Variants in ALPK1 observed in about 807,000 individuals in gnomAD.
The protein encoded by ALPK1 is alpha-protein kinase 1.
A neutral mutation model predicts 120.6 loss-of-function variants in ALPK1; 110 were observed. That is an observed-to-expected ratio of 0.91 (90% confidence interval 0.78 to 1.07). ALPK1 has a LOEUF of 1.07. ALPK1 is among the 50% of genes least tolerant of loss of function. ALPK1 has a pLI of 0.00. For missense variants in ALPK1, 1,498 were observed against 1,483.9 expected (o/e 1.01, Z -0.16); for synonymous variants, 582 against 560.3 (o/e 1.04, Z -0.55).
rs116575388 is a variant in ALPK1, at chr4:112,351,822, C to G, written c.-100-25856C>G. Among the ~76,000 whole-genome samples, 562 of 152,274 alleles carry G rather than the reference C, an allele frequency of 3.7e-3. 5 individuals carry two copies. The highest frequency in any genetic ancestry group is 0.013 in the African/African-American group (540 of 41,564). On this transcript the variant is annotated intron_variant, in intron 2 of 15. Transcript: ENST00000650871. ...TAGAATGAAAAGATAAGTTGAATTT[C>G]CTGGCAATCTAGTGTTTCTCAAACT...
At chr4:112,324,412 A>G (rs1729014135) in intron 2 of ALPK1, among the ~76,000 whole-genome samples, 1 of 151,760 alleles carries the variant, frequency 6.6e-6, no homozygotes, top group Non-Finnish European at 1.5e-5. Flanking sequence ...GCAAATTCTA[A>G]TAAATTCCCA....
chr4:112,301,481 C>T (rs941078007), intron 1 of ALPK1, among the ~76,000 whole-genome samples: 5 of 152,150 alleles, frequency 3.3e-5, no homozygotes, highest in African/African-American at 4.8e-5. Flanking sequence ...GACTCCTGCA[C>T]CATTATGTAG....
chr4:112,356,656 C>A (rs1730633699), intron 2 of ALPK1: 3 of 845,912 alleles, frequency 3.5e-6, no homozygotes, highest in Non-Finnish European at 6.1e-6. Flanking sequence ...ATTTCTACAA[C>A]AATGTAGAAG....
At chr4:112,334,962 T>C (rs1390855989) in intron 2 of ALPK1, among the ~76,000 whole-genome samples, 1 of 152,130 alleles carries the variant, frequency 6.6e-6, no homozygotes, top group East Asian at 1.9e-4. Context: ...GTACCTATGT[T>C]AAGATCCTTT....
chr4:112,372,598 A>G (rs1399977619), intron 2 of ALPK1, among the ~76,000 whole-genome samples: 1 of 152,226 alleles, frequency 6.6e-6, no homozygotes, highest in Non-Finnish European at 1.5e-5. Flanking sequence ...CAAACTAATT[A>G]ACATTATCTC....
chr4:112,406,461 G>C (rs1238661778), intron 4 of ALPK1, among the ~76,000 whole-genome samples: 1 of 152,136 alleles, frequency 6.6e-6, no homozygotes, highest in Non-Finnish European at 1.5e-5. Flanking sequence ...CTCAGAAAAG[G>C]ATACCCCAAA....
rs745584742 is a variant in ALPK1 at position 112,439,778 on chromosome 4, G to A, written c.3444G>A (p.Val1148=). 9 of 1,613,656 alleles carry A rather than the reference G, an allele frequency of 5.6e-6. No homozygotes were observed. The highest frequency in any genetic ancestry group is 2.7e-5 in the African/African-American group (2 of 75,052). Residue 1148 remains valine (V), a synonymous_variant, in exon 14 of 16, where the codon GTG becomes GTA. Coordinates refer to ENST00000650871, the MANE Select transcript of ALPK1 (RefSeq NM_025144.4). ...FVKLSNNTKV[V]KTEYKATEYG... ...AATTGTCAAATAACACGAAAGTGGT[G>A]AAAACAGAATACAAAGCCACAGAAT...
At chr4:112,313,387 G>A (rs1358023077) in intron 1 of ALPK1, among the ~76,000 whole-genome samples, 2 of 152,124 alleles carry the variant, frequency 1.3e-5, no homozygotes, top group African/African-American at 4.8e-5. Flanking sequence ...GAGGCTTTAT[G>A]TCACATGTTT....
chr4:112,336,849 A>G (rs1342069698), intron 2 of ALPK1, among the ~76,000 whole-genome samples: 5 of 152,194 alleles, frequency 3.3e-5, no homozygotes, highest in Non-Finnish European at 7.4e-5. Context: ...GTGGAACTAG[A>G]CTACAACCAC....
chr4:112,304,859 C>G (rs564011846), intron 1 of ALPK1, among the ~76,000 whole-genome samples: 10 of 152,166 alleles, frequency 6.6e-5, no homozygotes, highest in African/African-American at 2.4e-4. Context: ...CCTAGGTTTT[C>G]TTCTAGGGTT....
In ALPK1 at chr4:112,312,488, G is replaced by A. The variant is rs573683179; in HGVS notation, c.-152-3313G>A. ...GGGGTTTCACCATGTTAGCCAGGAT[G>A]GTCTCGATCTCCTAACCTCTTCATC... is the stretch of plus-strand genomic sequence containing the variant. On this transcript the variant is annotated intron_variant, in intron 1 of 15. Coordinates refer to ENST00000650871, the MANE Select transcript of ALPK1 (RefSeq NM_025144.4). Among the ~76,000 whole-genome samples the A allele has an allele frequency of 2.6e-5, 4 of 152,256 alleles. No individual in the cohort carries two copies. In the South Asian group the frequency reaches 8.3e-4, roughly 32 times the overall value.
intron 2 of ALPK1, among the ~76,000 whole-genome samples, chr4:112,360,302 T>C (rs1181871064): frequency 6.6e-6 from 1 of 152,214 alleles, no homozygotes; most frequent in Non-Finnish European, 1.5e-5. Flanking sequence ...TATATATATA[T>C]GACATTTTCT....
intron 2 of ALPK1, among the ~76,000 whole-genome samples, chr4:112,331,070 T>C (rs1365436631): frequency 6.6e-6 from 1 of 152,232 alleles, no homozygotes; most frequent in East Asian, 1.9e-4. Context: ...GGGCTCACTA[T>C]GCTGGCGTTT....
intron 2 of ALPK1, among the ~76,000 whole-genome samples, chr4:112,336,840 TG>T (rs1729641738): frequency 6.6e-6 from 1 of 152,168 alleles, no homozygotes; most frequent in Non-Finnish European, 1.5e-5. Flanking sequence ...AAGAATTTGG[TG>T]GAACTAGACT....
intron 1 of ALPK1, among the ~76,000 whole-genome samples, chr4:112,309,901 T>C (rs1728318983): frequency 6.6e-6 from 1 of 152,118 alleles, no homozygotes; most frequent in South Asian, 2.1e-4. Context: ...CAGTGGCCAC[T>C]TTGTCCTGTT....
chr4:112,422,226 T>C (rs1734030851), intron 5 of ALPK1, among the ~76,000 whole-genome samples: 1 of 152,224 alleles, frequency 6.6e-6, no homozygotes, highest in South Asian at 2.1e-4. Flanking sequence ...TTCCATTTAA[T>C]ATTTTTGGAC....
Position 112,432,491 on chromosome 4 carries a change from A to C in ALPK1, c.2944A>C (p.Lys982Gln), listed in dbSNP as rs1345388195. The C allele has an allele frequency of 1.2e-6, 2 of 1,614,052 alleles. No individual in the cohort carries two copies. Among genetic ancestry groups the C allele is most frequent in the African/African-American group, 1.3e-5 (1 of 74,924 alleles). The change falls in exon 11 of 16, where the codon AAG (lysine) becomes CAG (glutamine). Residue 982 changes from lysine to glutamine, a missense_variant. Transcript: ENST00000650871. ...CACCTTGCAACCTGATGACTTTGAA[A>C]AGCTGTTGGCAGGAGTGAGGCATGA... ...ARTLQPDDFEKLLAGVRHDWL... is the reference protein window; with the variant it reads ...ARTLQPDDFEQLLAGVRHDWL...
At chr4:112,383,435 T>G (rs1450953717) in intron 4 of ALPK1, 2 of 152,136 alleles carry the variant, frequency 1.3e-5, no homozygotes, top group Admixed American at 6.5e-5. Context: ...TCTTTGCCCA[T>G]TCAAGCAAAA....
intron 4 of ALPK1, among the ~76,000 whole-genome samples, chr4:112,408,454 T>C (rs1449822228): frequency 6.6e-6 from 1 of 152,030 alleles, no homozygotes; most frequent in East Asian, 1.9e-4. Flanking sequence ...ATTTACATTT[T>C]ATGAATGCCA....
Sources: allele counts gnomAD v4.1 joint callset (sites outside exome capture counted in the v4.1 genomes callset), GRCh38; gene constraint gnomAD v4.1.1; transcripts MANE v1.5; gene names NCBI Gene and HGNC (gene_info 2026-07-23, HGNC 2026-07-21).